SLC26A2: variants seen among roughly 807,000 people sequenced by gnomAD.
SLC26A2 encodes solute carrier family 26 member 2.
A neutral mutation model predicts 41.1 loss-of-function variants in SLC26A2; 36 were observed. The ratio of observed to expected loss-of-function variants is 0.88; its 90% CI spans 0.67 to 1.16. SLC26A2 has a LOEUF of 1.16. Ranked by LOEUF, SLC26A2 falls within the 50% of genes most tolerant of loss-of-function variation. SLC26A2 has a pLI of 0.00. For missense variants in SLC26A2, 796 were observed against 869.6 expected, an observed-to-expected ratio of 0.92 and a Z score of 1.07; for synonymous variants, 291 against 311.6, an observed-to-expected ratio of 0.93 and a Z score of 0.70.
chr5:149,963,915 G>A (rs994626131), intron 1 of SLC26A2, among the ~76,000 whole-genome samples: 3 of 151,874 alleles, frequency 2.0e-5, no homozygotes, highest in South Asian at 2.1e-4. Context: ...GGAAGGGACC[G>A]ATTTATATAA....
chr5:149,970,103 T>G (rs1754876155), intron 1 of SLC26A2, among the ~76,000 whole-genome samples: 2 of 152,172 alleles, frequency 1.3e-5, no homozygotes, highest in South Asian at 4.1e-4. Context: ...ATTTCAGAAG[T>G]CTGAAGTGCT....
chr5:149,975,373 A>G (rs117499505), intron 1 of SLC26A2, among the ~76,000 whole-genome samples: 3,302 of 152,164 alleles, frequency 0.022, 265 homozygotes, highest in Admixed American at 0.16. Context: ...ATTTTTATCT[A>G]TATTCTTCCC....
At chr5:149,966,406 C>T (rs1754806348) in intron 1 of SLC26A2, among the ~76,000 whole-genome samples, 1 of 152,176 alleles carries the variant, frequency 6.6e-6, no homozygotes, top group Non-Finnish European at 1.5e-5. Context: ...CTGACCCTCA[C>T]TGCCTATGGT....
At position 149,980,369 on chromosome 5, in the gene SLC26A2, G is replaced by T. The variant is rs769319202; in HGVS notation, c.776G>T (p.Gly259Val). The change falls in exon 3 of 3, where the codon GGT becomes GTT. Residue 259 changes from glycine to valine, a missense_variant. Gly to Val is a moderately radical substitution (Grantham distance 109, BLOSUM62 -3). Transcript: ENST00000286298. Reference sequence around the variant, plus strand: ...GCCTTGCTGAGTGGATTTGTCACTGGTGCCTCCTTCACTATTCTTACATCT... The same window carrying T: ...GCCTTGCTGAGTGGATTTGTCACTGTTGCCTCCTTCACTATTCTTACATCT... ...SDALLSGFVTGASFTILTSQA... is the reference protein window; with the variant it reads ...SDALLSGFVTVASFTILTSQA... The T allele has an allele frequency of 1.7e-5, 27 of 1,613,896 alleles. No homozygotes were observed. Among genetic ancestry groups the T allele is most frequent in the Non-Finnish European group, 2.2e-5 (26 of 1,179,992 alleles).
chr5:149,986,370 A>G lies in SLC26A2; in HGVS notation c.*4557A>G, dbSNP rs1319986928. On this transcript the variant is annotated 3_prime_UTR_variant, in exon 3 of 3. Coordinates refer to ENST00000286298, the MANE Select transcript of SLC26A2 (RefSeq NM_000112.4). ...AAATTATAATGGAAAAGGACAAAAT[A>G]ATATACCAGCTGGTTTGTTATTATA... 2 of 152,178 alleles carry G rather than the reference A, an allele frequency of 1.3e-5. No homozygotes were observed. Among genetic ancestry groups the G allele is most frequent in the African/African-American group, 4.8e-5 (2 of 41,442 alleles). 9.4% of individuals were successfully genotyped at this position (152,178 alleles called of 1,614,324 possible).
chr5:149,976,963 C>G (rs1228808918), intron 1 of SLC26A2, among the ~76,000 whole-genome samples: 1 of 152,216 alleles, frequency 6.6e-6, no homozygotes, highest in Admixed American at 6.5e-5. Flanking sequence ...TCTTCATGCC[C>G]TTTACATTCA....
At chr5:149,971,544 C>T (rs555316276) in intron 1 of SLC26A2, among the ~76,000 whole-genome samples, 21 of 152,180 alleles carry the variant, frequency 1.4e-4, no homozygotes, top group Admixed American at 5.2e-4. Flanking sequence ...GGATTACAGG[C>T]GTGCGCCACC....
In SLC26A2 at chr5:149,970,400, A is replaced by T. The variant is rs182146216; in HGVS notation, c.-25-7228A>T. On this transcript the variant is annotated intron_variant, in intron 1 of 2. Coordinates refer to ENST00000286298, the MANE Select transcript of SLC26A2 (RefSeq NM_000112.4). The stretch of plus-strand genomic sequence containing the variant: ...GTGGTGTGTACCTGTAGTCCTAGCT[A>T]CTTGGGAGGCTGAGGTGGGAGGATT... 6.3e-4 allele frequency among the ~76,000 whole-genome samples: 96 copies of T among 152,234 alleles called. 1 individual carries two copies. Among genetic ancestry groups the T allele is most frequent in the Non-Finnish European group, 1.1e-3 (74 of 68,000 alleles).
chr5:149,977,630 A>G lies in SLC26A2; in HGVS notation c.-23A>G. The G allele has an allele frequency of 6.7e-7, 1 of 1,498,960 alleles. No homozygotes were observed. The highest frequency in any genetic ancestry group is 1.1e-5 in the South Asian group (1 of 88,680). 92.9% of individuals were successfully genotyped at this position (1,498,960 alleles called of 1,614,324 possible). On this transcript the variant is annotated splice_region_variant and 5_prime_UTR_variant, in exon 2 of 3. Coordinates refer to ENST00000286298, the MANE Select transcript of SLC26A2 (RefSeq NM_000112.4). Reference sequence around the variant, plus strand: ...CACTGGTATTTTCTCTGGTGTAGGAAGCTGAACCATCTATCTCCAGAAATG... The same window carrying G: ...CACTGGTATTTTCTCTGGTGTAGGAGGCTGAACCATCTATCTCCAGAAATG...
rs775668536 is a variant in SLC26A2, at chr5:149,981,537, T to C, written c.1944T>C (p.Thr648=). The C allele has an allele frequency of 3.1e-6, 5 of 1,613,968 alleles. No homozygotes were observed. In the East Asian group the frequency reaches 8.9e-5, roughly 29 times the overall value. Residue 648 remains threonine (T), a synonymous_variant, in exon 3 of 3, where the codon ACT becomes ACC. Coordinates refer to ENST00000286298, the MANE Select transcript of SLC26A2 (RefSeq NM_000112.4). The part of the protein sequence containing the change: ...QLSHDPLELH[T]IVIDCSAIQF... The stretch of plus-strand genomic sequence containing the variant: ...CCCATGATCCCTTGGAGCTGCATAC[T>C]ATAGTGATTGACTGCAGTGCAATTC...
rs183838619 is a variant in SLC26A2, at chr5:149,964,609, C to T, written c.-26+3630C>T. On this transcript the variant is annotated intron_variant, in intron 1 of 2. Transcript: ENST00000286298. ...TGGCTAACACGGTGAAACTCTGTCT[C>T]TACTAAAAATACAAAAAATTAGCCA... 1.3e-4 allele frequency among the ~76,000 whole-genome samples: 20 copies of T among 152,150 alleles called. No individual in the cohort carries two copies. The East Asian group carries it at 3.5e-3, about 26-fold the overall frequency.
Position 149,981,258 on chromosome 5 carries a change from C to G in SLC26A2, c.1665C>G (p.Gly555=). ...AGAAGCCAAAGAGTTCACTGCTTGG[C>G]TTGGTGGAAGAGTCTGAGGTCTTTG... ...RTQKPKSSLL[G]LVEESEVFES... The change falls in exon 3 of 3, where the codon GGC becomes GGG. Residue 555 remains glycine (G), a synonymous_variant. Coordinates refer to ENST00000286298, the MANE Select transcript of SLC26A2 (RefSeq NM_000112.4). 1 of 1,614,146 alleles carries G rather than the reference C, an allele frequency of 6.2e-7. No homozygotes were observed. The highest frequency in any genetic ancestry group is 8.5e-7 in the Non-Finnish European group (1 of 1,180,018).
chr5:149,968,746 T>TCAA (rs1754849500), intron 1 of SLC26A2, among the ~76,000 whole-genome samples: 1 of 148,530 alleles, frequency 6.7e-6, no homozygotes, highest in Non-Finnish European at 1.5e-5. Flanking sequence ...TGAGACGGAC[T>TCAA]CTCGGTCTGT....
Position 149,978,177 on chromosome 5 carries a change from A to G in SLC26A2, c.525A>G (p.Thr175=), listed in dbSNP as rs1755029554. ...FGVLCLMIGE[T]VDRELQKAGY... ...TACTGTGCCTTATGATTGGTGAGACAGTTGACCGAGAACTACAGAAAGCTG... is the reference window on the plus strand; with the variant it reads ...TACTGTGCCTTATGATTGGTGAGACGGTTGACCGAGAACTACAGAAAGCTG... Residue 175 remains threonine, a synonymous_variant, in exon 2 of 3, where the codon ACA becomes ACG. Transcript: ENST00000286298. 6 of 1,612,500 alleles carry G rather than the reference A, an allele frequency of 3.7e-6. No individual in the cohort carries two copies. The highest frequency in any genetic ancestry group is 4.2e-6 in the Non-Finnish European group (5 of 1,178,718).
Position 149,964,085 on chromosome 5 carries a change from A to G in SLC26A2, c.-26+3106A>G, listed in dbSNP as rs1184798778. Among the ~76,000 whole-genome samples the G allele has an allele frequency of 2.0e-5, 3 of 152,166 alleles. No homozygotes were observed. In the East Asian group the frequency reaches 5.8e-4, roughly 29 times the overall value. Reference sequence around the variant, plus strand: ...GCTTATACCAATGTTTTTAGACCATATTTGGTAGGAGATAGGGAGCCAGTG... The same window carrying G: ...GCTTATACCAATGTTTTTAGACCATGTTTGGTAGGAGATAGGGAGCCAGTG... On this transcript the variant is annotated intron_variant, in intron 1 of 2. Transcript: ENST00000286298.
chr5:149,977,105 C>G (rs780838644), intron 1 of SLC26A2, among the ~76,000 whole-genome samples: 2 of 152,184 alleles, frequency 1.3e-5, no homozygotes, highest in Non-Finnish European at 2.9e-5. Flanking sequence ...ACCTACTTTT[C>G]TATTTATTTT....
chr5:149,971,774 T>C (rs1039818737), intron 1 of SLC26A2, among the ~76,000 whole-genome samples: 2 of 152,210 alleles, frequency 1.3e-5, no homozygotes, highest in African/African-American at 4.8e-5. Context: ...TTAGTTGCTT[T>C]AGTGGAAAAA....
Position 149,978,106 on chromosome 5 carries a change from T to A in SLC26A2, c.454T>A (p.Phe152Ile). Reference protein sequence around the residue: ...YTSFFASIIYFLLGTSRHISV... With the variant: ...YTSFFASIIYILLGTSRHISV... ...ATCTTTTTTTGCCAGCATCATTTAT[T>A]TTCTCTTGGGTACCTCCCGTCACAT... The change falls in exon 2 of 3, where the codon TTT becomes ATT. Residue 152 changes from phenylalanine (F) to isoleucine (I), a missense_variant. Transcript: ENST00000286298. The A allele has an allele frequency of 6.2e-7, 1 of 1,601,978 alleles. No individual in the cohort carries two copies. The highest frequency in any genetic ancestry group is 1.7e-5 in the Admixed American group (1 of 58,670).
At chr5:149,975,600 A>G (rs1261569775) in intron 1 of SLC26A2, among the ~76,000 whole-genome samples, 1 of 152,224 alleles carries the variant, frequency 6.6e-6, no homozygotes, top group Non-Finnish European at 1.5e-5. Flanking sequence ...GGGTGTATCC[A>G]TCAACCTGAT....
Sources: allele counts gnomAD v4.1 joint callset (sites outside exome capture counted in the v4.1 genomes callset), GRCh38; gene constraint gnomAD v4.1.1; transcripts MANE v1.5; gene names NCBI Gene and HGNC (gene_info 2026-07-23, HGNC 2026-07-21).